XKR6: variants seen among roughly 807,000 people sequenced by gnomAD.
The protein encoded by XKR6 is XK related 6, also known as XK-related protein 6.
XKR6 carries 22 observed loss-of-function variants against 56.7 expected under a neutral mutation model. That is an observed-to-expected ratio of 0.39 (90% confidence interval 0.28 to 0.55). The LOEUF is 0.55. XKR6 is among the 20% of genes least tolerant of loss of function. XKR6 has a pLI of 0.66. For synonymous variants in XKR6, 524 were observed against 387.8 expected (o/e 1.35, Z -4.13); for missense variants, 852 against 889.0 (o/e 0.96, Z 0.53).
rs1212913214 is a variant in XKR6, at chr8:10,945,761, GCAAGGGTACGCATAGCCCTTC to G, written c.765-20952_765-20932del. On this transcript the variant is annotated intron_variant, in intron 1 of 2. Transcript: ENST00000416569. The stretch of plus-strand genomic sequence containing the variant: ...TATGTCTCTATTCCAAGCCCCCAGG[GCAAGGGTACGCATAGCCCTTC>G]CCTTCTCCAGGCTCTGGCCTAGCGC... Among the ~76,000 whole-genome samples, 17 of 152,286 alleles carry G rather than the reference GCAAGGGTACGCATAGCCCTTC, an allele frequency of 1.1e-4. 1 individual carries two copies. Among genetic ancestry groups the G allele is most frequent in the African/African-American group, 3.9e-4 (16 of 41,556 alleles).
chr8:11,113,778 G>C (rs1178480957), intron 1 of XKR6: 1 of 156,780 alleles, frequency 6.4e-6, no homozygotes, highest in Non-Finnish European at 1.4e-5. Context: ...TGTTAAAACA[G>C]CTCTAAAAGG....
At chr8:11,008,215 T>C (rs78366046) in intron 1 of XKR6, among the ~76,000 whole-genome samples, 4,662 of 152,146 alleles carry the variant, frequency 0.031, 239 homozygotes, top group African/African-American at 0.11. Context: ...TAGCTTGTCT[T>C]CCCCAATCCA....
chr8:10,896,681 C>G lies in XKR6; in HGVS notation c.*1271G>C, dbSNP rs1041831962. The G allele has an allele frequency of 1.3e-5, 2 of 152,172 alleles. No homozygotes were observed. The highest frequency in any genetic ancestry group is 6.6e-5 in the Admixed American group (1 of 15,226). 9.4% of individuals were successfully genotyped at this position (152,172 alleles called of 1,614,324 possible). On this transcript the variant is annotated 3_prime_UTR_variant, in exon 3 of 3. Transcript: ENST00000416569. Reference sequence around the variant, plus strand: ...GTGAAAGACAGAAGCACCAAACAGTCTTTGAAATGGGTCAGTTATTACAAT... The same window carrying G: ...GTGAAAGACAGAAGCACCAAACAGTGTTTGAAATGGGTCAGTTATTACAAT...
At chr8:10,972,588 T>A (rs184555113) in intron 1 of XKR6, among the ~76,000 whole-genome samples, 1 of 152,372 alleles carries the variant, frequency 6.6e-6, no homozygotes, top group Admixed American at 6.5e-5. Flanking sequence ...GAGGGCATCA[T>A]GCTGAGTGAA....
At chr8:11,043,528 G>T (rs1304826964) in intron 1 of XKR6, among the ~76,000 whole-genome samples, 1 of 152,184 alleles carries the variant, frequency 6.6e-6, no homozygotes. Flanking sequence ...CTCAGTCTCT[G>T]CCCCAGCAGC....
Position 11,201,384 on chromosome 8 carries a change from G to T in XKR6, c.-45C>A, listed in dbSNP as rs79111379. ...CCGGAGGTTGGGGGGGAGGGACGGC[G>T]GGGGGGGGGGGAAGAAGGCAGGGAA... On this transcript the variant is annotated 5_prime_UTR_variant, in exon 1 of 3. Coordinates refer to ENST00000416569, the MANE Select transcript of XKR6 (RefSeq NM_173683.4). 1 of 222,620 alleles carries T rather than the reference G, an allele frequency of 4.5e-6. No homozygotes were observed. The highest frequency in any genetic ancestry group is 5.8e-6 in the Non-Finnish European group (1 of 173,754). The allele number at this position is 222,620 out of a possible 1,614,324, so 13.8% of individuals were successfully genotyped here.
Position 11,027,098 on chromosome 8 carries a change from G to A in XKR6, c.765-102268C>T, listed in dbSNP as rs753773578. On this transcript the variant is annotated intron_variant, in intron 1 of 2. Transcript: ENST00000416569. ...TGCCTACCACACACCTAGGCTATAC[G>A]GCATAGCCTGTTGCTCCTAGGCTAC... Among the ~76,000 whole-genome samples the A allele has an allele frequency of 2.6e-5, 4 of 152,174 alleles. No homozygotes were observed. In the East Asian group the frequency reaches 5.8e-4, roughly 22 times the overall value.
At chr8:11,148,277 C>A (rs1801093772) in intron 1 of XKR6, among the ~76,000 whole-genome samples, 1 of 152,150 alleles carries the variant, frequency 6.6e-6, no homozygotes, top group African/African-American at 2.4e-5. Context: ...CTAATCTGAT[C>A]TGACTAGTGT....
chr8:11,053,775 T>G (rs542293136), intron 1 of XKR6, among the ~76,000 whole-genome samples: 12 of 152,368 alleles, frequency 7.9e-5, no homozygotes, highest in African/African-American at 2.4e-4. Context: ...CCAGTCCACA[T>G]GACTTCACTT....
chr8:11,173,402 T>C (rs991484526), intron 1 of XKR6, among the ~76,000 whole-genome samples: 4 of 150,276 alleles, frequency 2.7e-5, no homozygotes, highest in African/African-American at 9.8e-5. Flanking sequence ...TATATACATA[T>C]ATATATACAT....
intron 1 of XKR6, among the ~76,000 whole-genome samples, chr8:11,045,727 TTCTC>T (rs1799396065): frequency 6.6e-6 from 1 of 152,176 alleles, no homozygotes. Context: ...GTTCCTATCT[TTCTC>T]CTGCTCCCTT....
At chr8:11,021,419 T>G (rs1798746672) in intron 1 of XKR6, among the ~76,000 whole-genome samples, 3 of 152,218 alleles carry the variant, frequency 2.0e-5, no homozygotes, top group African/African-American at 7.2e-5. Context: ...GTATAATGTA[T>G]AAACCCATGG....
At chr8:11,006,871 C>A (rs1330901694) in intron 1 of XKR6, among the ~76,000 whole-genome samples, 2 of 152,226 alleles carry the variant, frequency 1.3e-5, no homozygotes, top group Non-Finnish European at 2.9e-5. Flanking sequence ...AAGCCCATCT[C>A]TATTCTAGCT....
intron 1 of XKR6, among the ~76,000 whole-genome samples, chr8:10,994,546 C>A (rs1320371369): frequency 2.0e-5 from 3 of 152,206 alleles, no homozygotes; most frequent in African/African-American, 7.2e-5. Flanking sequence ...CACATCTGCT[C>A]TAAGAATCAA....
intron 2 of XKR6, among the ~76,000 whole-genome samples, chr8:10,903,485 G>T (rs980113048): frequency 6.6e-6 from 1 of 152,154 alleles, no homozygotes; most frequent in Non-Finnish European, 1.5e-5. Flanking sequence ...AAGGGCCTGG[G>T]GAGGTAGGTG....
intron 1 of XKR6, among the ~76,000 whole-genome samples, chr8:10,965,788 G>T (rs1218224145): frequency 1.3e-5 from 2 of 152,248 alleles, no homozygotes; most frequent in Admixed American, 1.3e-4. Flanking sequence ...CGATTGAACA[G>T]ATGTTCTTGC....
intron 1 of XKR6, among the ~76,000 whole-genome samples, chr8:11,039,692 C>T (rs549908175): frequency 9.8e-5 from 15 of 152,338 alleles, no homozygotes; most frequent in African/African-American, 3.1e-4. Flanking sequence ...GGACTCCCAC[C>T]AATTCCCATC....
At chr8:11,042,358 G>A (rs191090049) in intron 1 of XKR6, among the ~76,000 whole-genome samples, 7 of 152,120 alleles carry the variant, frequency 4.6e-5, no homozygotes, top group African/African-American at 1.7e-4. Flanking sequence ...TGTCATGGGA[G>A]GGACCCGGTG....
At chr8:10,969,671 C>T (rs1802342377) in intron 1 of XKR6, among the ~76,000 whole-genome samples, 1 of 152,192 alleles carries the variant, frequency 6.6e-6, no homozygotes, top group Admixed American at 6.5e-5. Flanking sequence ...TAGAGACAAA[C>T]ACTGAGTAAC....
Sources: gnomAD v4.1 joint callset for allele counts (sites outside exome capture counted in the v4.1 genomes callset) on GRCh38, gnomAD v4.1.1 for gene constraint, MANE v1.5 for transcripts, NCBI Gene and HGNC (gene_info 2026-07-23, HGNC 2026-07-21) for gene names.